PI4KA: variants seen among roughly 807,000 people sequenced by gnomAD.
The protein encoded by PI4KA is phosphatidylinositol 4-kinase alpha, also known as PI4-kinase alpha.
A neutral mutation model predicts 271.4 loss-of-function variants in PI4KA; 122 were observed. That is an observed-to-expected ratio of 0.45 (90% CI 0.39 to 0.52). PI4KA has a LOEUF of 0.52. PI4KA is among the 20% of genes least tolerant of loss of function. The probability of loss-of-function intolerance (pLI) is 0.00; values close to 1 mark genes in which losing one functional copy is unlikely to be tolerated. For missense variants in PI4KA, 1,969 were observed against 2,769.1 expected (o/e 0.71, Z 6.48); for synonymous variants, 1,041 against 1,078.8 (o/e 0.96, Z 0.69).
chr22:20,740,255 G>A (rs1929263437), intron 32 of PI4KA, among the ~76,000 whole-genome samples: 1 of 151,088 alleles, frequency 6.6e-6, no homozygotes, highest in Non-Finnish European at 1.5e-5. Context: ...CAGTGAACTG[G>A]TATACAGGTT....
chr22:20,852,622 G>A (rs929891142), intron 1 of PI4KA, among the ~76,000 whole-genome samples: 1 of 152,004 alleles, frequency 6.6e-6, no homozygotes, highest in East Asian at 1.9e-4. Flanking sequence ...CTGGCACCGC[G>A]TATACCCTCC....
At chr22:20,817,993 T>C (rs533728928) in intron 7 of PI4KA, among the ~76,000 whole-genome samples, 15 of 150,920 alleles carry the variant, frequency 9.9e-5, no homozygotes, top group Middle Eastern at 3.5e-3. Flanking sequence ...AGCATGCTGG[T>C]GTGTGCCTGT....
chr22:20,729,714 A>C lies in PI4KA; in HGVS notation c.4409-3T>G. The C allele has an allele frequency of 1.3e-6, 2 of 1,592,530 alleles. No homozygotes were observed. Among genetic ancestry groups the C allele is most frequent in the Non-Finnish European group, 1.7e-6 (2 of 1,167,644 alleles). The stretch of plus-strand genomic sequence containing the variant: ...CCGGTTGGTTTTCTTAGACATGCCT[A>C]GGAGGAAAGACAAAGCACAGGTGTA... On this transcript the variant is annotated splice_polypyrimidine_tract_variant and splice_region_variant and intron_variant, in intron 37 of 54. Coordinates refer to ENST00000255882, the MANE Select transcript of PI4KA (RefSeq NM_058004.4).
intron 1 of PI4KA, among the ~76,000 whole-genome samples, chr22:20,856,099 G>C (rs1927560749): frequency 6.6e-6 from 1 of 152,190 alleles, no homozygotes. Context: ...CTGGCCAATA[G>C]GGTGAAACCC....
intron 1 of PI4KA, among the ~76,000 whole-genome samples, chr22:20,844,290 A>G (rs956438561): frequency 6.6e-6 from 1 of 152,198 alleles, no homozygotes; most frequent in Non-Finnish European, 1.5e-5. Flanking sequence ...CAGACATTTG[A>G]TAAGGTGAGG....
At chr22:20,806,203 C>G (rs562047817) in intron 10 of PI4KA, among the ~76,000 whole-genome samples, 9 of 152,236 alleles carry the variant, frequency 5.9e-5, no homozygotes, top group African/African-American at 2.2e-4. Flanking sequence ...ATATTATGTG[C>G]TCATCAAAAC....
At chr22:20,713,826 C>T (rs895465288) in intron 47 of PI4KA, among the ~76,000 whole-genome samples, 45 of 152,242 alleles carry the variant, frequency 3.0e-4, no homozygotes, top group African/African-American at 1.1e-3. Flanking sequence ...ACCGTCTGTA[C>T]TGGGTTGAAG....
At chr22:20,792,372 G>A (rs191230686) in intron 19 of PI4KA, among the ~76,000 whole-genome samples, 15 of 152,218 alleles carry the variant, frequency 9.9e-5, no homozygotes, top group African/African-American at 3.4e-4. Flanking sequence ...TGACCTCCAC[G>A]TCCCTAGGCT....
intron 43 of PI4KA, among the ~76,000 whole-genome samples, 175 bp downstream of exon 43, chr22:20,721,123 A>AG (rs1240691827): frequency 6.6e-6 from 1 of 152,148 alleles, no homozygotes; most frequent in Non-Finnish European, 1.5e-5. Flanking sequence ...GTCATGAAGG[A>AG]GGGGTCCTGC....
At chr22:20,850,539 G>A (rs1255716050) in intron 1 of PI4KA, among the ~76,000 whole-genome samples, 5 of 151,882 alleles carry the variant, frequency 3.3e-5, no homozygotes, top group Non-Finnish European at 7.4e-5. Flanking sequence ...CGCCTCCCAG[G>A]TTCATGCCAT....
intron 1 of PI4KA, among the ~76,000 whole-genome samples, chr22:20,851,252 G>A (rs572295933): frequency 6.6e-6 from 1 of 152,090 alleles, no homozygotes; most frequent in South Asian, 2.1e-4. Context: ...CACAGTGCCT[G>A]CAACACAGCA....
At chr22:20,833,874 G>A (rs956970025) in intron 3 of PI4KA, among the ~76,000 whole-genome samples, 1 of 151,818 alleles carries the variant, frequency 6.6e-6, no homozygotes, top group African/African-American at 2.4e-5. Flanking sequence ...TGGCCAGGCT[G>A]GTCTTGAACT....
chr22:20,729,555 CCA>C (rs113801467), intron 38 of PI4KA, 49 bp from the exon 39 acceptor site: 2 of 1,550,260 alleles, frequency 1.3e-6, no homozygotes. Context: ...CTGTGAGTGC[CCA>C]CACACTGCCC....
At chr22:20,791,344 A>G (rs1934634207) in intron 19 of PI4KA, among the ~76,000 whole-genome samples, 1 of 152,164 alleles carries the variant, frequency 6.6e-6, no homozygotes, top group Admixed American at 6.5e-5. Flanking sequence ...CTTGGGCTTC[A>G]TGCCCCTTAC....
At chr22:20,841,019 A>G (rs546125926) in intron 1 of PI4KA, among the ~76,000 whole-genome samples, 1 of 152,274 alleles carries the variant, frequency 6.6e-6, no homozygotes, top group South Asian at 2.1e-4. Flanking sequence ...CACAAGATAC[A>G]AGTCATAAAG....
At position 20,714,717 on chromosome 22, in the gene PI4KA, G is replaced by T; in HGVS notation, c.5318-17C>A. 6.2e-7 allele frequency: 1 copy of T among 1,612,290 alleles called. No individual in the cohort carries two copies. The highest frequency in any genetic ancestry group is 8.5e-7 in the Non-Finnish European group (1 of 1,179,116). ...GGTAGCAGCCTGTGCAGGGACAGAG[G>T]CAGTCACAGGGAGTGCATGTGTCAC... On this transcript the variant is annotated splice_polypyrimidine_tract_variant and intron_variant, in intron 45 of 54. Transcript: ENST00000255882.
At chr22:20,734,697 G>A (rs1307844833) in intron 32 of PI4KA, 144 bp from the exon 33 acceptor site, 10 of 876,868 alleles carry the variant, frequency 1.1e-5, no homozygotes, top group East Asian at 7.7e-5. Context: ...AATGAAGATC[G>A]CCTATAGTCC....
chr22:20,803,499 C>T (rs1249343043), intron 12 of PI4KA, among the ~76,000 whole-genome samples, 179 bp from the exon 13 acceptor site: 1 of 152,200 alleles, frequency 6.6e-6, no homozygotes, highest in East Asian at 1.9e-4. Context: ...GCTGACTCTC[C>T]TCCACCTATA....
At chr22:20,768,455 AATATG>A (rs1441792159) in intron 19 of PI4KA, among the ~76,000 whole-genome samples, 2 of 152,198 alleles carry the variant, frequency 1.3e-5, no homozygotes, top group African/African-American at 4.8e-5. Context: ...ACGTATAAAT[AATATG>A]ATATAGATTT....
Sources: allele counts gnomAD v4.1 joint callset (sites outside exome capture counted in the v4.1 genomes callset), GRCh38; gene constraint gnomAD v4.1.1; transcripts MANE v1.5; gene names NCBI Gene and HGNC (gene_info 2026-07-23, HGNC 2026-07-21).